The following FHIT variants were observed in gnomAD, a reference collection of about 807,000 sequenced individuals.
The protein encoded by FHIT is fragile histidine triad diadenosine triphosphatase, also known as bis(5'-adenosyl)-triphosphatase.
A neutral mutation model predicts 17.9 loss-of-function variants in FHIT; 19 were observed. That is an observed-to-expected ratio of 1.06 (90% confidence interval 0.74 to 1.56). FHIT has a LOEUF of 1.56. FHIT is among the 40% of genes most tolerant of loss of function. FHIT has a pLI of 0.00. For synonymous variants in FHIT, 81 were observed against 69.7 expected (o/e 1.16, Z -0.81); for missense variants, 248 against 189.2 (o/e 1.31, Z -1.82).
chr3:60,096,927 T>C (rs1703973814), intron 5 of FHIT, among the ~76,000 whole-genome samples: 1 of 149,200 alleles, frequency 6.7e-6, no homozygotes, highest in Non-Finnish European at 1.5e-5. Context: ...GTGCCTATAA[T>C]CCTAGCACCT....
At chr3:59,997,053 G>A (rs1457283237) in intron 7 of FHIT, among the ~76,000 whole-genome samples, 2 of 152,110 alleles carry the variant, frequency 1.3e-5, no homozygotes, top group East Asian at 3.9e-4. Context: ...TGTTCAAAAA[G>A]CATTTATTGA....
At chr3:59,982,113 G>A (rs533575597) in intron 7 of FHIT, among the ~76,000 whole-genome samples, 1 of 152,060 alleles carries the variant, frequency 6.6e-6, no homozygotes, top group Non-Finnish European at 1.5e-5. Flanking sequence ...AGAGCTCTTC[G>A]CGTTACATTA....
Position 60,609,530 on chromosome 3 carries a change from T to A in FHIT, c.-17-72551A>T, listed in dbSNP as rs1295842031. Among the ~76,000 whole-genome samples the A allele has an allele frequency of 4.6e-5, 7 of 152,222 alleles. No homozygotes were observed. The East Asian group carries it at 1.4e-3, about 29-fold the overall frequency. On this transcript the variant is annotated intron_variant, in intron 4 of 9. Transcript: ENST00000492590. ...TTAGTACAGATGGGGTCTAACCATG[T>A]TGGTTAGACTGGTCTTGAACTCCTG...
chr3:60,508,762 C>CT (rs2034833409), intron 5 of FHIT, among the ~76,000 whole-genome samples: 1 of 152,040 alleles, frequency 6.6e-6, no homozygotes, highest in African/African-American at 2.4e-5. Flanking sequence ...TCTTTGACAT[C>CT]TTAAAGTTCA....
chr3:60,521,976 G>A (rs1161768142), intron 5 of FHIT, among the ~76,000 whole-genome samples: 1 of 152,004 alleles, frequency 6.6e-6, no homozygotes, highest in Non-Finnish European at 1.5e-5. Flanking sequence ...CTGTGTGTAA[G>A]TGATGACAAG....
chr3:60,879,115 A>C (rs530409294), intron 3 of FHIT, among the ~76,000 whole-genome samples: 128 of 152,268 alleles, frequency 8.4e-4, no homozygotes, highest in African/African-American at 2.8e-3. Flanking sequence ...AACAGTGTAA[A>C]AGTGTTCCTA....
chr3:60,263,208 A>C (rs1706391259), intron 5 of FHIT, among the ~76,000 whole-genome samples: 1 of 151,986 alleles, frequency 6.6e-6, no homozygotes, highest in South Asian at 2.1e-4. Context: ...AAGTGTTGAC[A>C]AGGATTGGCA....
intron 5 of FHIT, among the ~76,000 whole-genome samples, chr3:60,116,320 T>TTA (rs1704960087): frequency 6.6e-6 from 1 of 152,160 alleles, no homozygotes; most frequent in Non-Finnish European, 1.5e-5. Context: ...GTGTGTAACT[T>TTA]TTATATGAAA....
At chr3:61,184,003 T>A (rs1255335773) in intron 2 of FHIT, among the ~76,000 whole-genome samples, 1 of 152,118 alleles carries the variant, frequency 6.6e-6, no homozygotes, top group Non-Finnish European at 1.5e-5. Context: ...CTGAATCTCC[T>A]ATACTTGTAA....
chr3:61,115,127 A>G (rs1167006995), intron 2 of FHIT, among the ~76,000 whole-genome samples: 1 of 152,182 alleles, frequency 6.6e-6, no homozygotes, highest in Admixed American at 6.5e-5. Context: ...TGTTGGGGCT[A>G]TAACTGTGAA....
At chr3:60,987,199 C>G (rs568377342) in intron 3 of FHIT, among the ~76,000 whole-genome samples, 6 of 152,278 alleles carry the variant, frequency 3.9e-5, no homozygotes, top group Admixed American at 3.9e-4. Context: ...TAAGCAAGAG[C>G]ATAAAGCTAA....
chr3:60,726,236 G>A lies in FHIT; in HGVS notation c.-18+95683C>T, dbSNP rs77000449. Among the ~76,000 whole-genome samples the A allele has an allele frequency of 8.4e-3, 1,280 of 152,070 alleles. 9 individuals are homozygous for A. Among genetic ancestry groups the A allele is most frequent in the Non-Finnish European group, 0.014 (941 of 67,964 alleles). On this transcript the variant is annotated intron_variant, in intron 4 of 9. Coordinates refer to ENST00000492590, the MANE Select transcript of FHIT (RefSeq NM_002012.4). ...TCAAGATTTATTTGATCGCTGAAAG[G>A]GTTTTGTCAACACTCCAAAAATTGT...
At position 60,150,273 on chromosome 3, in the gene FHIT, AG is replaced by A. The variant is rs776699883; in HGVS notation, c.104-136122del. On this transcript the variant is annotated intron_variant, in intron 5 of 9. Transcript: ENST00000492590. ...TGGCCTCCCAAAGTGCTGGGATTAC[AG>A]GCATGAGCCACTGTGCCCGGCCTGC... Among the ~76,000 whole-genome samples, 138 of 152,202 alleles carry A rather than the reference AG, an allele frequency of 9.1e-4. 3 individuals carry two copies. The highest frequency in any genetic ancestry group is 1.1e-3 in the Non-Finnish European group (74 of 68,028).
chr3:60,646,793 G>A (rs1197082924), intron 4 of FHIT, among the ~76,000 whole-genome samples: 1 of 152,134 alleles, frequency 6.6e-6, no homozygotes, highest in Non-Finnish European at 1.5e-5. Flanking sequence ...TAAAGTAACT[G>A]ATTATTTCAC....
chr3:60,413,441 C>T (rs964805998), intron 5 of FHIT, among the ~76,000 whole-genome samples: 1 of 152,134 alleles, frequency 6.6e-6, no homozygotes, highest in Non-Finnish European at 1.5e-5. Context: ...ATAGGAGTTA[C>T]TTGGCCAATA....
At chr3:60,079,356 T>C (rs548281961) in intron 5 of FHIT, among the ~76,000 whole-genome samples, 1 of 152,262 alleles carries the variant, frequency 6.6e-6, no homozygotes, top group South Asian at 2.1e-4. Context: ...AAAACAACAT[T>C]ACTTTTTCCA....
intron 5 of FHIT, among the ~76,000 whole-genome samples, chr3:60,388,771 T>C (rs1238264913): frequency 6.6e-6 from 1 of 152,224 alleles, no homozygotes; most frequent in African/African-American, 2.4e-5. Flanking sequence ...ATGCCAGCTC[T>C]TGTGTTCCAA....
intron 7 of FHIT, among the ~76,000 whole-genome samples, chr3:59,967,428 A>G (rs887385824): frequency 1.1e-4 from 16 of 152,166 alleles, no homozygotes; most frequent in African/African-American, 3.4e-4. Context: ...GCTATGAACA[A>G]GGGAATAATG....
chr3:60,653,115 A>C (rs906997415), intron 4 of FHIT, among the ~76,000 whole-genome samples: 11 of 152,214 alleles, frequency 7.2e-5, no homozygotes, highest in Non-Finnish European at 1.2e-4. Context: ...AGATCACCAG[A>C]AATTTAATAT....
Sources: gnomAD v4.1 joint callset for allele counts (sites outside exome capture counted in the v4.1 genomes callset) on GRCh38, gnomAD v4.1.1 for gene constraint, MANE v1.5 for transcripts, NCBI Gene and HGNC (gene_info 2026-07-23, HGNC 2026-07-21) for gene names.